FREM2: variants seen among roughly 807,000 people sequenced by gnomAD.
FREM2 encodes FRAS1 related extracellular matrix 2.
Under a neutral mutation model 219.9 loss-of-function variants are expected in FREM2, and 119 were observed. The observed-to-expected ratio is 0.54, with a 90% CI of 0.47 to 0.63. FREM2 has a LOEUF of 0.63. Among genes scored for constraint, FREM2 ranks in the 30% least tolerant of loss-of-function variants. FREM2 has a pLI of 0.00. For synonymous variants in FREM2, 1,562 were observed against 1,522.8 expected, an observed-to-expected ratio of 1.03 and a Z score of -0.60; for missense variants, 4,030 against 3,993.6, an observed-to-expected ratio of 1.01 and a Z score of -0.25.
intron 6 of FREM2, among the ~76,000 whole-genome samples, chr13:38,791,313 A>T (rs1874550833): frequency 6.6e-6 from 1 of 152,182 alleles, no homozygotes; most frequent in African/African-American, 2.4e-5. Context: ...CTCAGTTTCC[A>T]CGTGTGAATT....
At chr13:38,846,353 T>C (rs1478331605) in intron 6 of FREM2, among the ~76,000 whole-genome samples, 1 of 152,162 alleles carries the variant, frequency 6.6e-6, no homozygotes, top group African/African-American at 2.4e-5. Flanking sequence ...GATGAGAATG[T>C]TTTATTAGGC....
chr13:38,780,034 C>G (rs779402545), intron 4 of FREM2, among the ~76,000 whole-genome samples: 2 of 152,136 alleles, frequency 1.3e-5, no homozygotes, highest in Non-Finnish European at 2.9e-5. Flanking sequence ...ATAATCCTCC[C>G]CTGTGTGATT....
chr13:38,857,366 T>C (rs1378177878), intron 12 of FREM2, among the ~76,000 whole-genome samples: 1 of 152,152 alleles, frequency 6.6e-6, no homozygotes, highest in African/African-American at 2.4e-5. Context: ...AATTCTCCCC[T>C]GCCTGGGTTT....
intron 4 of FREM2, among the ~76,000 whole-genome samples, chr13:38,779,827 C>T (rs1249092954): frequency 2.6e-5 from 4 of 152,212 alleles, no homozygotes; most frequent in Non-Finnish European, 5.9e-5. Context: ...ACTCATGTGA[C>T]ATGTTAGCAG....
intron 17 of FREM2, 121 bp from the exon 18 acceptor site, chr13:38,874,361 A>C: frequency 2.6e-6 from 2 of 774,550 alleles, no homozygotes; most frequent in Non-Finnish European, 4.6e-6. Context: ...TTCTTCTGAT[A>C]ATACCCTTTG....
chr13:38,878,007 C>T, intron 21 of FREM2, 127 bp from the exon 22 acceptor site: 2 of 835,500 alleles, frequency 2.4e-6, no homozygotes, highest in South Asian at 1.5e-5. Context: ...AGGCCTTCAA[C>T]ATTTGATAGT....
intron 6 of FREM2, among the ~76,000 whole-genome samples, chr13:38,830,307 A>G (rs1294439192): frequency 6.6e-6 from 1 of 152,180 alleles, no homozygotes; most frequent in Non-Finnish European, 1.5e-5. Context: ...CCAGTCATCC[A>G]CTTTGATACT....
intron 2 of FREM2, among the ~76,000 whole-genome samples, chr13:38,761,351 G>T (rs1873216827): frequency 6.6e-6 from 1 of 152,102 alleles, no homozygotes; most frequent in African/African-American, 2.4e-5. Context: ...CAGGAGTGTG[G>T]CATAAAGGTG....
chr13:38,710,681 C>T (rs1870733669), intron 2 of FREM2, among the ~76,000 whole-genome samples: 1 of 152,068 alleles, frequency 6.6e-6, no homozygotes, highest in Admixed American at 6.6e-5. Flanking sequence ...AGTAGGAGGT[C>T]AATAAATACG....
At chr13:38,727,595 A>G (rs1871584231) in intron 2 of FREM2, among the ~76,000 whole-genome samples, 1 of 152,268 alleles carries the variant, frequency 6.6e-6, no homozygotes, top group Non-Finnish European at 1.5e-5. Context: ...GGCAGAGACT[A>G]TGATTGTTCA....
chr13:38,691,293 G>A lies in FREM2; in HGVS notation c.3949G>A (p.Gly1317Arg). The change falls in exon 1 of 24, where the codon GGG becomes AGG. Residue 1317 changes from glycine to arginine, a missense_variant. Physicochemically the swap from Gly to Arg is moderately radical, Grantham distance 125 (BLOSUM62 -2). Transcript: ENST00000280481. ...TINNGLEIEIGDTKIINNKIL... is the reference protein window; with the variant it reads ...TINNGLEIEIRDTKIINNKIL... ...CAATAATGGACTAGAAATAGAAATT[G>A]GGGATACCAAGATTATCAACAACAA... 1 of 1,613,820 alleles carries A rather than the reference G, an allele frequency of 6.2e-7. No individual in the cohort carries two copies. The highest frequency in any genetic ancestry group is 1.3e-5 in the African/African-American group (1 of 75,008).
intron 6 of FREM2, among the ~76,000 whole-genome samples, chr13:38,846,073 A>C (rs1311645837): frequency 2.0e-5 from 3 of 152,182 alleles, no homozygotes; most frequent in Non-Finnish European, 4.4e-5. Context: ...AGTAGGTTCT[A>C]ACCCTTGTGA....
At position 38,733,305 on chromosome 13, in the gene FREM2, G is replaced by A. The variant is rs866317350; in HGVS notation, c.5264-30999G>A. Among the ~76,000 whole-genome samples the A allele has an allele frequency of 5.7e-4, 46 of 80,166 alleles. No individual in the cohort carries two copies. The Middle Eastern group carries it at 0.027, about 47-fold the overall frequency. The allele number at this position is 80,166 out of a possible 152,430, so 52.6% of individuals were successfully genotyped here. On this transcript the variant is annotated intron_variant, in intron 2 of 23. Coordinates refer to ENST00000280481, the MANE Select transcript of FREM2 (RefSeq NM_207361.6). ...AACAGAGGAGCCTCTGTTGACTTCG[G>A]AGCCAGTGGTTTTTTTTTTTTTCTA...
At chr13:38,765,099 A>G (rs1022675997) in intron 3 of FREM2, among the ~76,000 whole-genome samples, 1 of 152,096 alleles carries the variant, frequency 6.6e-6, no homozygotes, top group African/African-American at 2.4e-5. Context: ...TTTAGTAGAG[A>G]CGGGGTTTCA....
At chr13:38,716,431 A>G (rs1423400022) in intron 2 of FREM2, among the ~76,000 whole-genome samples, 4 of 152,056 alleles carry the variant, frequency 2.6e-5, no homozygotes, top group Non-Finnish European at 5.9e-5. Context: ...CTCAGCTTAA[A>G]CCTTCTCCTA....
chr13:38,707,775 C>A (rs527804775), intron 2 of FREM2, among the ~76,000 whole-genome samples: 7 of 152,170 alleles, frequency 4.6e-5, no homozygotes, highest in Admixed American at 2.0e-4. Flanking sequence ...TTTGTGTCCC[C>A]GTAATACTTC....
At chr13:38,825,666 G>A (rs1876253296) in intron 6 of FREM2, among the ~76,000 whole-genome samples, 1 of 152,050 alleles carries the variant, frequency 6.6e-6, no homozygotes, top group Non-Finnish European at 1.5e-5. Flanking sequence ...GACATTACAT[G>A]TATCTGAACA....
chr13:38,757,144 G>A (rs1873042467), intron 2 of FREM2, among the ~76,000 whole-genome samples: 1 of 152,120 alleles, frequency 6.6e-6, no homozygotes, highest in African/African-American at 2.4e-5. Context: ...CATAGTAGAT[G>A]AATAGGAATT....
intron 6 of FREM2, among the ~76,000 whole-genome samples, chr13:38,838,304 T>C (rs1876802232): frequency 6.6e-6 from 1 of 152,238 alleles, no homozygotes; most frequent in African/African-American, 2.4e-5. Context: ...CTCTTCTGGC[T>C]TGTAGCATTT....
Sources: gnomAD v4.1 joint callset for allele counts (sites outside exome capture counted in the v4.1 genomes callset) on GRCh38, gnomAD v4.1.1 for gene constraint, MANE v1.5 for transcripts, NCBI Gene and HGNC (gene_info 2026-07-23, HGNC 2026-07-21) for gene names.